TMC1: variants seen among roughly 807,000 people sequenced by gnomAD.
TMC1 encodes the protein transmembrane channel-like protein 1.
Under a neutral mutation model 105.8 loss-of-function variants are expected in TMC1, and 84 were observed. That is an observed-to-expected ratio of 0.79 (90% CI 0.67 to 0.95). The LOEUF (loss-of-function observed/expected upper bound fraction) is 0.95. TMC1 is among the 40% of genes least tolerant of loss of function. The probability of loss-of-function intolerance (pLI) is 0.00; values close to 1 mark genes in which losing one functional copy is unlikely to be tolerated. For missense variants in TMC1, 817 were observed against 914.1 expected, an observed-to-expected ratio of 0.89 and a Z score of 1.37; for synonymous variants, 315 against 311.5, an observed-to-expected ratio of 1.01 and a Z score of -0.12.
At chr9:72,831,380 C>T (rs532842661) in intron 23 of TMC1, among the ~76,000 whole-genome samples, 118 of 152,132 alleles carry the variant, frequency 7.8e-4, no homozygotes, top group African/African-American at 2.8e-3. Flanking sequence ...TATTCGACCA[C>T]ACAAATGCAG....
rs1311808777 is a variant in TMC1, at chr9:72,791,959, A to G, written c.1298A>G (p.Tyr433Cys). The change falls in exon 16 of 24, where the codon TAC (tyrosine) becomes TGC (cysteine). Residue 433 changes from tyrosine (Y) to cysteine (C), a missense_variant. By Grantham distance (194) the Tyr-to-Cys change is radical. Transcript: ENST00000297784. ...GACTTATTTGCTGAATTAGAAGACT[A>G]CCATCCTCTCATCGCTTTGAAATGG... ...LFDLFAELED[Y>C]HPLIALKWLL... The G allele has an allele frequency of 6.2e-7, 1 of 1,613,908 alleles. No individual in the cohort carries two copies.
intron 6 of TMC1, among the ~76,000 whole-genome samples, chr9:72,691,502 T>A (rs573508228): frequency 1.8e-4 from 27 of 152,320 alleles, no homozygotes; most frequent in African/African-American, 6.5e-4. Flanking sequence ...CCAGAGATTC[T>A]TGGGCCTCTC....
At chr9:72,595,921 G>A (rs1824712220) in intron 2 of TMC1, among the ~76,000 whole-genome samples, 1 of 150,672 alleles carries the variant, frequency 6.6e-6, no homozygotes, top group African/African-American at 2.4e-5. Context: ...CTGTCGCCCA[G>A]GCTGGAGTGC....
chr9:72,627,414 G>A (rs562320517), intron 3 of TMC1, among the ~76,000 whole-genome samples: 1 of 152,228 alleles, frequency 6.6e-6, no homozygotes, highest in East Asian at 1.9e-4. Context: ...GCTGCGGAAA[G>A]AAATTTCTCT....
chr9:72,527,369 A>G (rs1405159874), intron 1 of TMC1, among the ~76,000 whole-genome samples: 12 of 151,894 alleles, frequency 7.9e-5, no homozygotes, highest in East Asian at 5.8e-4. Context: ...TCTGGATTCT[A>G]CCCGCCTCCC....
intron 8 of TMC1, among the ~76,000 whole-genome samples, chr9:72,731,840 A>AT (rs1827215772): frequency 6.6e-6 from 1 of 152,112 alleles, no homozygotes; most frequent in Non-Finnish European, 1.5e-5. Context: ...ATGTAACTGA[A>AT]TCCTCCCTTT....
At chr9:72,691,675 G>C (rs1826468676) in intron 6 of TMC1, among the ~76,000 whole-genome samples, 1 of 152,278 alleles carries the variant, frequency 6.6e-6, no homozygotes, top group Non-Finnish European at 1.5e-5. Flanking sequence ...CATGTCCTGA[G>C]TTCTTTTTTT....
chr9:72,822,514 T>TTGTGTGTGTGTGTGTGTGTGTGTG (rs368968408), intron 20 of TMC1, among the ~76,000 whole-genome samples: 1 of 135,768 alleles, frequency 7.4e-6, no homozygotes, highest in Non-Finnish European at 1.6e-5. Context: ...GTTAATTCCG[T>TTGTGTGTGTGTGTGTGTGTGTGTG]TGTGTGTGTG....
intron 1 of TMC1, among the ~76,000 whole-genome samples, chr9:72,540,950 C>A (rs1404767836): frequency 6.6e-6 from 1 of 152,168 alleles, no homozygotes. Context: ...TAGTTATCTG[C>A]CTCCATTAAA....
intron 18 of TMC1, among the ~76,000 whole-genome samples, chr9:72,806,339 C>A (rs1341884409): frequency 2.6e-4 from 32 of 121,094 alleles, no homozygotes; most frequent in Non-Finnish European, 4.9e-4. Flanking sequence ...GGCGGCTGGC[C>A]GGGTGGGGGG....
chr9:72,806,858 G>T (rs1456399339), intron 18 of TMC1, among the ~76,000 whole-genome samples: 1 of 152,214 alleles, frequency 6.6e-6, no homozygotes, highest in Non-Finnish European at 1.5e-5. Context: ...TTCCCAGACG[G>T]GGTGGCAGCC....
At chr9:72,741,892 C>A (rs757617094) in intron 9 of TMC1, among the ~76,000 whole-genome samples, 12 of 152,166 alleles carry the variant, frequency 7.9e-5, no homozygotes, top group Non-Finnish European at 1.6e-4. Flanking sequence ...ATTAAGCTGA[C>A]CAATCTGCCT....
intron 1 of TMC1, among the ~76,000 whole-genome samples, chr9:72,524,962 A>G (rs1428532775): frequency 6.6e-6 from 1 of 152,194 alleles, no homozygotes; most frequent in Non-Finnish European, 1.5e-5. Context: ...GCAGATCACC[A>G]CACACCTGCA....
At chr9:72,548,714 A>G (rs1823812378) in intron 1 of TMC1, among the ~76,000 whole-genome samples, 1 of 152,116 alleles carries the variant, frequency 6.6e-6, no homozygotes, top group Non-Finnish European at 1.5e-5. Flanking sequence ...GTCGTGCTGC[A>G]GTGGCTCACG....
chr9:72,747,768 G>C (rs1162735385), intron 10 of TMC1, among the ~76,000 whole-genome samples: 4 of 152,080 alleles, frequency 2.6e-5, no homozygotes, highest in African/African-American at 9.7e-5. Flanking sequence ...GCTAATTTTT[G>C]TATTTTTAGT....
intron 6 of TMC1, among the ~76,000 whole-genome samples, chr9:72,693,524 A>G (rs1173540319): frequency 6.6e-6 from 1 of 152,190 alleles, no homozygotes; most frequent in East Asian, 1.9e-4. Context: ...CAAAGTTGTC[A>G]TATAGTTCTC....
At chr9:72,770,155 A>AC (rs1344590337) in intron 12 of TMC1, among the ~76,000 whole-genome samples, 2 of 151,992 alleles carry the variant, frequency 1.3e-5, no homozygotes, top group Non-Finnish European at 2.9e-5. Flanking sequence ...AGATTAGCTC[A>AC]CCCACTCCCT....
chr9:72,742,316 A>G, intron 9 of TMC1, 128 bp from the exon 10 acceptor site: 1 of 757,788 alleles, frequency 1.3e-6, no homozygotes, highest in Non-Finnish European at 2.3e-6. Context: ...CCCTTTGACT[A>G]GAAAGTAGTA....
intron 8 of TMC1, among the ~76,000 whole-genome samples, chr9:72,716,593 A>G (rs1028826133): frequency 1.3e-5 from 2 of 152,122 alleles, no homozygotes; most frequent in East Asian, 3.9e-4. Flanking sequence ...AAGCCTCAGC[A>G]ATGGCAGACG....
Sources: allele counts gnomAD v4.1 joint callset (sites outside exome capture counted in the v4.1 genomes callset), GRCh38; gene constraint gnomAD v4.1.1; transcripts MANE v1.5; gene names NCBI Gene and HGNC (gene_info 2026-07-23, HGNC 2026-07-21).